Variants in TAFA4 observed in about 807,000 individuals in gnomAD.
The protein encoded by TAFA4 is TAFA chemokine like family member 4, also known as chemokine-like protein TAFA-4.
Under a neutral mutation model 21.1 loss-of-function variants are expected in TAFA4, and 20 were observed. That is an observed-to-expected ratio of 0.95 (90% CI 0.67 to 1.38). The LOEUF (loss-of-function observed/expected upper bound fraction) is 1.38, where lower values mean the gene tolerates loss of function less well. Among genes scored for constraint, TAFA4 ranks in the 40% most tolerant of loss-of-function variants. The pLI is 0.00. For synonymous variants in TAFA4, 71 were observed against 67.4 expected (o/e 1.05, Z -0.26); for missense variants, 211 against 180.9 (o/e 1.17, Z -0.95).
chr3:68,865,689 A>G (rs1195040041), intron 3 of TAFA4, among the ~76,000 whole-genome samples: 1 of 152,138 alleles, frequency 6.6e-6, no homozygotes, highest in Non-Finnish European at 1.5e-5. Flanking sequence ...TCTGGAATGC[A>G]GTGGCTATAC....
intron 1 of TAFA4, among the ~76,000 whole-genome samples, chr3:68,914,439 G>A (rs984584001): frequency 6.6e-6 from 1 of 152,136 alleles, no homozygotes; most frequent in African/African-American, 2.4e-5. Flanking sequence ...TAGTAATTAA[G>A]ATTTGGACAC....
intron 3 of TAFA4, among the ~76,000 whole-genome samples, chr3:68,789,719 T>C (rs560257597): frequency 2.0e-5 from 3 of 152,306 alleles, no homozygotes; most frequent in South Asian, 4.1e-4. Context: ...TTCACTGCCA[T>C]GTAATTAGTT....
At chr3:68,895,345 G>A (rs1237373220) in intron 1 of TAFA4, among the ~76,000 whole-genome samples, 5 of 152,138 alleles carry the variant, frequency 3.3e-5, no homozygotes, top group Admixed American at 3.3e-4. Context: ...GTGTTGGCCA[G>A]GCTGGTCGTG....
rs10533885 is a variant in TAFA4, at chr3:68,783,661, GACACAC to G, written c.131-30649_131-30644del. On this transcript the variant is annotated intron_variant, in intron 3 of 5. Coordinates refer to ENST00000295569, the MANE Select transcript of TAFA4 (RefSeq NM_182522.5). ...AGATAAACTTCAAAGAAAAATCACA[GACACAC>G]ACACACAGAGAGAGAGAGAGAGAGA... Among the ~76,000 whole-genome samples the G allele has an allele frequency of 6.6e-3, 711 of 107,230 alleles. 3 individuals are homozygous for G. The highest frequency in any genetic ancestry group is 0.012 in the Middle Eastern group (3 of 254). The allele number at this position is 107,230 out of a possible 152,430, so 70.3% of individuals were successfully genotyped here.
chr3:68,816,100 G>A (rs1365408476), intron 3 of TAFA4, among the ~76,000 whole-genome samples: 1 of 152,042 alleles, frequency 6.6e-6, no homozygotes, highest in African/African-American at 2.4e-5. Flanking sequence ...TAACTCATAG[G>A]TGGGACTTGA....
In TAFA4 at chr3:68,886,920, A is replaced by G. The variant is rs377049396; in HGVS notation, c.-122-1610T>C. 4.3e-4 allele frequency among the ~76,000 whole-genome samples: 66 copies of G among 152,348 alleles called. 1 individual carries two copies. The highest frequency in any genetic ancestry group is 1.2e-3 in the Admixed American group (19 of 15,304). ...GAGTTTTGGAGGAGACATTCAAGCC[A>G]TAACATTCCACCTCTGGCCTCCCAA... On this transcript the variant is annotated intron_variant, in intron 1 of 5. Transcript: ENST00000295569.
At chr3:68,900,387 A>G (rs1559557834) in intron 1 of TAFA4, among the ~76,000 whole-genome samples, 1 of 151,988 alleles carries the variant, frequency 6.6e-6, no homozygotes, top group East Asian at 1.9e-4. Context: ...ATATAATTCC[A>G]ATAGTATCCA....
intron 4 of TAFA4, among the ~76,000 whole-genome samples, chr3:68,743,183 G>A (rs1393542446): frequency 6.6e-6 from 1 of 152,136 alleles, no homozygotes; most frequent in African/African-American, 2.4e-5. Context: ...ATCAGGCATT[G>A]CCAACACCAA....
At chr3:68,876,834 A>C (rs2089555372) in intron 3 of TAFA4, among the ~76,000 whole-genome samples, 1 of 152,218 alleles carries the variant, frequency 6.6e-6, no homozygotes, top group South Asian at 2.1e-4. Context: ...GCTCTAAATA[A>C]GGATAACTAG....
At chr3:68,902,284 C>T (rs2089852222) in intron 1 of TAFA4, among the ~76,000 whole-genome samples, 1 of 152,170 alleles carries the variant, frequency 6.6e-6, no homozygotes, top group Non-Finnish European at 1.5e-5. Context: ...TCTAAGATCT[C>T]AAAGCAGGTA....
At chr3:68,860,364 C>T (rs1178477150) in intron 3 of TAFA4, among the ~76,000 whole-genome samples, 1 of 152,108 alleles carries the variant, frequency 6.6e-6, no homozygotes, top group Non-Finnish European at 1.5e-5. Context: ...ATCTAGCATA[C>T]AAATGAATGT....
intron 3 of TAFA4, among the ~76,000 whole-genome samples, chr3:68,797,539 G>A (rs1415956721): frequency 6.6e-6 from 1 of 151,064 alleles, no homozygotes; most frequent in Non-Finnish European, 1.5e-5. Context: ...CTTGAACCTG[G>A]GAGACAGAGG....
chr3:68,786,941 C>T (rs1703272405), intron 3 of TAFA4, among the ~76,000 whole-genome samples: 2 of 152,096 alleles, frequency 1.3e-5, no homozygotes, highest in South Asian at 4.2e-4. Flanking sequence ...TCTTGTTTTG[C>T]CTTTAAGGAC....
intron 3 of TAFA4, among the ~76,000 whole-genome samples, chr3:68,780,899 TA>T (rs61272017): frequency 0.33 from 47,616 of 146,300 alleles, 8,416 homozygotes; most frequent in East Asian, 0.68. Flanking sequence ...TTCTAGGACA[TA>T]AAAAAAAAAA....
chr3:68,879,033 A>C (rs1284030607), intron 3 of TAFA4, among the ~76,000 whole-genome samples: 3 of 152,084 alleles, frequency 2.0e-5, no homozygotes, highest in African/African-American at 7.2e-5. Flanking sequence ...ACACACAGCA[A>C]TCAACATCCA....
At chr3:68,798,830 A>T (rs1703509194) in intron 3 of TAFA4, among the ~76,000 whole-genome samples, 1 of 152,252 alleles carries the variant, frequency 6.6e-6, no homozygotes, top group African/African-American at 2.4e-5. Context: ...GAGAAGCAGA[A>T]CTAGTAAAAT....
intron 3 of TAFA4, among the ~76,000 whole-genome samples, chr3:68,771,074 G>C (rs1702948141): frequency 6.6e-6 from 1 of 152,054 alleles, no homozygotes; most frequent in Non-Finnish European, 1.5e-5. Flanking sequence ...CCCCTGGGTG[G>C]CCTGTGTCCA....
intron 3 of TAFA4, among the ~76,000 whole-genome samples, chr3:68,829,240 C>T (rs1704321807): frequency 1.3e-5 from 2 of 152,102 alleles, no homozygotes; most frequent in Non-Finnish European, 2.9e-5. Context: ...TCAGAAATAA[C>T]ACCACACATC....
At chr3:68,920,130 A>C (rs1191159991) in intron 1 of TAFA4, among the ~76,000 whole-genome samples, 1 of 152,200 alleles carries the variant, frequency 6.6e-6, no homozygotes, top group African/African-American at 2.4e-5. Context: ...CAGCTAAATA[A>C]AATACAGTAC....
Sources: allele counts gnomAD v4.1 joint callset (sites outside exome capture counted in the v4.1 genomes callset), GRCh38; gene constraint gnomAD v4.1.1; transcripts MANE v1.5; gene names NCBI Gene and HGNC (gene_info 2026-07-23, HGNC 2026-07-21).